MRTFB: variants seen among roughly 807,000 people sequenced by gnomAD.
MRTFB encodes myocardin-related transcription factor B.
MRTFB carries 29 observed loss-of-function variants against 104.2 expected under a neutral mutation model. The observed-to-expected ratio is 0.28, with a 90% CI of 0.21 to 0.38. The LOEUF is 0.38. Ranked by LOEUF, MRTFB falls within the 10% of genes least tolerant of loss-of-function variation. The pLI is 1.00. For missense variants in MRTFB, 1,270 were observed against 1,341.6 expected (o/e 0.95, Z 0.83); for synonymous variants, 535 against 519.5 (o/e 1.03, Z -0.41).
intron 15 of MRTFB, 107 bp from the exon 16 acceptor site, chr16:14,257,994 C>T (rs1006734182): frequency 4.6e-5 from 44 of 948,246 alleles, no homozygotes; most frequent in Middle Eastern, 2.2e-4. Context: ...AAAATTATCA[C>T]GATAGATTAG....
chr16:14,198,966 T>C (rs1413958326), intron 3 of MRTFB, among the ~76,000 whole-genome samples: 1 of 152,222 alleles, frequency 6.6e-6, no homozygotes, highest in African/African-American at 2.4e-5. Context: ...TTGCTCTTCA[T>C]CAATTATAAA....
chr16:14,118,063 C>A (rs1292596384), intron 2 of MRTFB, among the ~76,000 whole-genome samples: 1 of 150,632 alleles, frequency 6.6e-6, no homozygotes. Context: ...TAGAATAGAA[C>A]ATTGCACATA....
intron 2 of MRTFB, among the ~76,000 whole-genome samples, chr16:14,127,494 A>C (rs142755058): frequency 0.024 from 3,700 of 151,946 alleles, 168 homozygotes; most frequent in African/African-American, 0.085. Flanking sequence ...TACAAAAAAA[A>C]TTAGCCAGGC....
chr16:14,125,270 G>C (rs1319447296), intron 2 of MRTFB, among the ~76,000 whole-genome samples: 4 of 152,236 alleles, frequency 2.6e-5, no homozygotes, highest in African/African-American at 7.2e-5. Flanking sequence ...AGGCCACCTC[G>C]GCAAGGGTGT....
At chr16:14,175,545 A>C (rs1004237664) in intron 3 of MRTFB, among the ~76,000 whole-genome samples, 1 of 152,218 alleles carries the variant, frequency 6.6e-6, no homozygotes, top group African/African-American at 2.4e-5. Context: ...AAGACTGCCA[A>C]TACATTTATA....
At position 14,126,556 on chromosome 16, in the gene MRTFB, C is replaced by G. The variant is rs541855970; in HGVS notation, c.-63-13988C>G. ...TACTTTTTATATTATTTCACATAAT[C>G]GATGCGGGAAACCAAGAATGTGGTA... On this transcript the variant is annotated intron_variant, in intron 2 of 16. Transcript: ENST00000571589. 2.6e-5 allele frequency among the ~76,000 whole-genome samples: 4 copies of G among 152,168 alleles called. No homozygotes were observed. In the South Asian group the frequency reaches 8.3e-4, roughly 32 times the overall value.
chr16:14,025,858 A>T, the MRTFB span, among the ~76,000 whole-genome samples: 3 of 152,250 alleles, frequency 2.0e-5, no homozygotes, highest in Non-Finnish European at 4.4e-5. Context: ...GCAAAATGGA[A>T]AAACAGAATG....
chr16:14,079,752 T>G (rs189468330), intron 2 of MRTFB, among the ~76,000 whole-genome samples: 206 of 134,648 alleles, frequency 1.5e-3, no homozygotes, highest in East Asian at 7.6e-3. Flanking sequence ...AAATTTTGGG[T>G]TTTTTTTTAC....
chr16:14,085,017 T>C (rs1307334625), intron 2 of MRTFB, among the ~76,000 whole-genome samples: 1 of 152,146 alleles, frequency 6.6e-6, no homozygotes, highest in African/African-American at 2.4e-5. Context: ...TAGCAAGGCA[T>C]GGTTATAATC....
At chr16:14,096,596 C>T (rs1480230653) in intron 2 of MRTFB, among the ~76,000 whole-genome samples, 2 of 152,148 alleles carry the variant, frequency 1.3e-5, no homozygotes, top group Non-Finnish European at 2.9e-5. Flanking sequence ...AAATAGCCTA[C>T]ATATTGTGGC....
chr16:14,131,881 A>G (rs2037458408), intron 2 of MRTFB, among the ~76,000 whole-genome samples: 1 of 152,168 alleles, frequency 6.6e-6, no homozygotes, highest in African/African-American at 2.4e-5. Context: ...CATTCTCTCA[A>G]ATGGTTACAC....
intron 8 of MRTFB, among the ~76,000 whole-genome samples, chr16:14,222,805 A>G (rs1471522947): frequency 6.6e-6 from 1 of 152,132 alleles, no homozygotes; most frequent in Non-Finnish European, 1.5e-5. Context: ...GAAACAACAG[A>G]TGCTGGTGAG....
At chr16:14,227,248 C>T (rs569235349) in intron 8 of MRTFB, among the ~76,000 whole-genome samples, 9 of 151,942 alleles carry the variant, frequency 5.9e-5, no homozygotes, top group South Asian at 2.1e-4. Context: ...TGAATTCTCA[C>T]TGCATTAGTT....
the MRTFB span, among the ~76,000 whole-genome samples, chr16:14,028,313 A>T: frequency 6.6e-6 from 1 of 152,212 alleles, no homozygotes; most frequent in Non-Finnish European, 1.5e-5. Context: ...GGCCAGACCC[A>T]GGTCTTCCAG....
Position 14,247,707 on chromosome 16 carries a change from G to T in MRTFB, c.2247+200G>T, listed in dbSNP as rs567141167. On this transcript the variant is annotated intron_variant, in intron 12 of 16. Coordinates refer to ENST00000571589, the MANE Select transcript of MRTFB (RefSeq NM_001308142.2). The stretch of plus-strand genomic sequence containing the variant: ...TTATATAGTGAAAAAAACACAGGAT[G>T]CTTTTCTAGTCCTGTTACCTTTTCC... The T allele has an allele frequency of 3.7e-5, 22 of 587,228 alleles. No homozygotes were observed. The South Asian group carries it at 4.5e-4, about 12-fold the overall frequency. 36.4% of individuals were successfully genotyped at this position (587,228 alleles called of 1,614,324 possible).
At chr16:14,141,060 T>A (rs2037973105) in intron 3 of MRTFB, 1 of 289,520 alleles carries the variant, frequency 3.5e-6, no homozygotes, top group Non-Finnish European at 6.6e-6. Flanking sequence ...GAAAGTAGGT[T>A]CCTGTGCTGA....
rs769413636 is a variant in MRTFB, at chr16:14,240,496, C to T, written c.1079+12C>T. The T allele has an allele frequency of 6.2e-7, 1 of 1,614,168 alleles. No homozygotes were observed. Among genetic ancestry groups the T allele is most frequent in the East Asian group, 2.2e-5 (1 of 44,886 alleles). Reference sequence around the variant, plus strand: ...CCTGCACCATTCAAGTACGGCGGGGCCCATGCTATCCTCAACGCGGGGTTT... The same window carrying T: ...CCTGCACCATTCAAGTACGGCGGGGTCCATGCTATCCTCAACGCGGGGTTT... On this transcript the variant is annotated intron_variant, in intron 10 of 16. Coordinates refer to ENST00000571589, the MANE Select transcript of MRTFB (RefSeq NM_001308142.2).
Position 14,157,672 on chromosome 16 carries a change from T to C in MRTFB, c.154+16912T>C, listed in dbSNP as rs536731359. Among the ~76,000 whole-genome samples, 64 of 152,316 alleles carry C rather than the reference T, an allele frequency of 4.2e-4. No homozygotes were observed. The South Asian group carries it at 0.013, about 31-fold the overall frequency. On this transcript the variant is annotated intron_variant, in intron 3 of 16. Coordinates refer to ENST00000571589, the MANE Select transcript of MRTFB (RefSeq NM_001308142.2). ...CCACAGAGATGGAGAATAACTGATC[T>C]ACAGCAGATAGATGCAGCTCCAACA... is the stretch of plus-strand genomic sequence containing the variant.
At chr16:14,023,606 C>CATATACATATACATAT in the MRTFB span, among the ~76,000 whole-genome samples, 117 of 39,614 alleles carry the variant, frequency 3.0e-3, 1 homozygote, top group African/African-American at 0.01. Flanking sequence ...CACACACACA[C>CATATACATATACATAT]ACACATACAT....
Sources: allele counts gnomAD v4.1 joint callset (sites outside exome capture counted in the v4.1 genomes callset), GRCh38; gene constraint gnomAD v4.1.1; transcripts MANE v1.5; gene names NCBI Gene and HGNC (gene_info 2026-07-23, HGNC 2026-07-21).